The following TLL1 variants were observed in gnomAD, a reference collection of about 807,000 sequenced individuals.
The protein encoded by TLL1 is tolloid-like protein 1.
TLL1 carries 49 observed loss-of-function variants against 128.2 expected under a neutral mutation model. That is an observed-to-expected ratio of 0.38 (90% CI 0.30 to 0.48). The LOEUF (loss-of-function observed/expected upper bound fraction) is 0.48, where lower values mean the gene tolerates loss of function less well. Among genes scored for constraint, TLL1 ranks in the 20% least tolerant of loss-of-function variants. TLL1 has a pLI of 0.96. For missense variants in TLL1, 1,123 were observed against 1,242.0 expected (o/e 0.90, Z 1.44); for synonymous variants, 454 against 418.8 (o/e 1.08, Z -1.03).
chr4:166,013,324 A>G (rs934839990), intron 7 of TLL1, among the ~76,000 whole-genome samples: 2 of 151,760 alleles, frequency 1.3e-5, no homozygotes, highest in African/African-American at 2.4e-5. Flanking sequence ...TAAAGGAAGG[A>G]ATTTCTGTTT....
intron 5 of TLL1, 47 bp downstream of exon 5, chr4:165,995,225 A>C: frequency 7.6e-7 from 1 of 1,313,994 alleles, no homozygotes; most frequent in Non-Finnish European, 1.1e-6. Context: ...AAAAAATTAA[A>C]AGGAAAACAA....
At chr4:165,957,012 C>T (rs1215235383) in intron 1 of TLL1, among the ~76,000 whole-genome samples, 1 of 152,010 alleles carries the variant, frequency 6.6e-6, no homozygotes. Context: ...TCAGTATTAA[C>T]CTTAAATGTA....
intron 1 of TLL1, among the ~76,000 whole-genome samples, chr4:165,957,468 TG>T (rs1407895782): frequency 1.2e-5 from 1 of 80,290 alleles, no homozygotes; most frequent in African/African-American, 4.4e-5. Context: ...AAAGAAATTC[TG>T]GATTTTTTTT....
Position 166,003,514 on chromosome 4 carries a change from C to G in TLL1, c.756C>G (p.His252Gln). 1 of 1,614,014 alleles carries G rather than the reference C, an allele frequency of 6.2e-7. No homozygotes were observed. The highest frequency in any genetic ancestry group is 8.5e-7 in the Non-Finnish European group (1 of 1,179,966). The change falls in exon 6 of 21, where the codon CAC (histidine) becomes CAG (glutamine). Residue 252 changes from histidine (H) to glutamine (Q), a missense_variant. Physicochemically the swap from His to Gln is conservative, Grantham distance 24. Coordinates refer to ENST00000061240, the MANE Select transcript of TLL1 (RefSeq NM_012464.5). ...LGHVIGFWHE[H>Q]TRPDRDNHVT... The stretch of plus-strand genomic sequence containing the variant: ...ATGTGATAGGCTTTTGGCATGAACA[C>G]ACAAGACCAGATCGAGATAACCACG...
chr4:166,094,082 C>T (rs890688455), intron 19 of TLL1, among the ~76,000 whole-genome samples: 2 of 152,108 alleles, frequency 1.3e-5, no homozygotes, highest in Admixed American at 6.6e-5. Flanking sequence ...TTTCTTTTCC[C>T]TACAGTCATG....
At chr4:166,058,108 A>G (rs75128306) in intron 14 of TLL1, among the ~76,000 whole-genome samples, 4,735 of 152,082 alleles carry the variant, frequency 0.031, 228 homozygotes, top group African/African-American at 0.1. Context: ...ATCTCTGTCT[A>G]GATCTAGATT....
intron 1 of TLL1, among the ~76,000 whole-genome samples, chr4:165,956,329 G>A (rs1170642272): frequency 6.6e-6 from 1 of 152,010 alleles, no homozygotes; most frequent in Admixed American, 6.6e-5. Context: ...ATAAGCCTGA[G>A]GGTACTGGAG....
Position 165,990,497 on chromosome 4 carries a change from C to T in TLL1, c.280+1006C>T, listed in dbSNP as rs114728984. Among the ~76,000 whole-genome samples, 531 of 151,874 alleles carry T rather than the reference C, an allele frequency of 3.5e-3. 3 individuals are homozygous for T. Among genetic ancestry groups the T allele is most frequent in the African/African-American group, 0.012 (506 of 41,480 alleles). ...TTACTATGACCAGTTTTAAATATATCGAAATATTTCTACCTATTAGATTGT... is the reference window on the plus strand; with the variant it reads ...TTACTATGACCAGTTTTAAATATATTGAAATATTTCTACCTATTAGATTGT... On this transcript the variant is annotated intron_variant, in intron 2 of 20. Transcript: ENST00000061240.
At chr4:165,886,813 T>C (rs1328060660) in intron 1 of TLL1, among the ~76,000 whole-genome samples, 1 of 152,156 alleles carries the variant, frequency 6.6e-6, no homozygotes, top group Non-Finnish European at 1.5e-5. Flanking sequence ...GTTGAATCTG[T>C]GGATATGGAG....
rs536159556 is a variant in TLL1 at position 165,955,090 on chromosome 4, T to A, written c.170-34291T>A. 1.1e-4 allele frequency among the ~76,000 whole-genome samples: 17 copies of A among 152,208 alleles called. No homozygotes were observed. In the South Asian group the frequency reaches 3.5e-3, roughly 32 times the overall value. ...CATCTTAAGAAAAAACCAGTTGAAC[T>A]CTGGTATTGAAAATTTCATTGCAAG... On this transcript the variant is annotated intron_variant, in intron 1 of 20. Coordinates refer to ENST00000061240, the MANE Select transcript of TLL1 (RefSeq NM_012464.5).
chr4:166,091,353 C>T lies in TLL1; in HGVS notation c.2656+12C>T, dbSNP rs772274915. 1.7e-5 allele frequency: 27 copies of T among 1,609,558 alleles called. No homozygotes were observed. The highest frequency in any genetic ancestry group is 3.3e-5 in the South Asian group (3 of 90,738). Reference sequence around the variant, plus strand: ...TACACATTCTACAGGTCAGCAAATTCAAGTCATGCTTCTCTTTTTTGACTG... The same window carrying T: ...TACACATTCTACAGGTCAGCAAATTTAAGTCATGCTTCTCTTTTTTGACTG... On this transcript the variant is annotated intron_variant, in intron 19 of 20. Transcript: ENST00000061240.
rs1740602091 is a variant in TLL1 at position 166,066,971 on chromosome 4, G to A, written c.2188+1108G>A. Among the ~76,000 whole-genome samples, 3 of 151,580 alleles carry A rather than the reference G, an allele frequency of 2.0e-5. No homozygotes were observed. The South Asian group carries it at 6.2e-4, about 31-fold the overall frequency. Reference sequence around the variant, plus strand: ...GTTATAAAGTTTAAATGATCCCATGGTTAGGTAGAGACAAGGTTACTTATC... The same window carrying A: ...GTTATAAAGTTTAAATGATCCCATGATTAGGTAGAGACAAGGTTACTTATC... On this transcript the variant is annotated intron_variant, in intron 16 of 20. Coordinates refer to ENST00000061240, the MANE Select transcript of TLL1 (RefSeq NM_012464.5).
At chr4:165,887,726 G>A (rs1424206504) in intron 1 of TLL1, among the ~76,000 whole-genome samples, 1 of 152,018 alleles carries the variant, frequency 6.6e-6, no homozygotes. Context: ...GATTGCCATG[G>A]CATTGAATCT....
intron 1 of TLL1, chr4:165,919,882 G>A (rs1163500004): frequency 2.2e-5 from 10 of 454,436 alleles, no homozygotes; most frequent in African/African-American, 1.4e-4. Context: ...GGCTGCCCGA[G>A]CCCTTGAAGT....
intron 1 of TLL1, among the ~76,000 whole-genome samples, chr4:165,958,046 T>G (rs1421684511): frequency 6.6e-6 from 1 of 150,684 alleles, no homozygotes; most frequent in Non-Finnish European, 1.5e-5. Context: ...GAGCTCATCA[T>G]TTTTTATGGC....
rs1395098981 is a variant in TLL1 at position 166,083,520 on chromosome 4, C to T, written c.2442+5490C>T. 2.4e-5 allele frequency among the ~76,000 whole-genome samples: 3 copies of T among 122,834 alleles called. 1 individual carries two copies. The highest frequency in any genetic ancestry group is 7.6e-5 in the African/African-American group (3 of 39,692). The allele number at this position is 122,834 out of a possible 152,430, so 80.6% of individuals were successfully genotyped here. A position where few individuals can be genotyped will look rare whatever the true frequency, so the allele number is the denominator to read the frequency against. On this transcript the variant is annotated intron_variant, in intron 18 of 20. Coordinates refer to ENST00000061240, the MANE Select transcript of TLL1 (RefSeq NM_012464.5). The stretch of plus-strand genomic sequence containing the variant: ...CTAACTGAAATTTTGTATTTTTTGA[C>T]TGACATCTACTCAACCCTTTCCCAT...
At position 166,104,352 on chromosome 4, in the gene TLL1, G is replaced by T. The variant is rs1742420255; in HGVS notation, c.*3476G>T. 6.6e-6 allele frequency among the ~76,000 whole-genome samples: 1 copy of T among 151,862 alleles called. No homozygotes were observed. The highest frequency in any genetic ancestry group is 1.5e-5 in the Non-Finnish European group (1 of 67,880). ...AGTTATCAAATATTTGGAAACTATT[G>T]TTTACTAATAAGAATAAGACTTGCC... On this transcript the variant is annotated 3_prime_UTR_variant, in exon 21 of 21. Coordinates refer to ENST00000061240, the MANE Select transcript of TLL1 (RefSeq NM_012464.5).
chr4:165,887,837 A>C (rs1229263402), intron 1 of TLL1, among the ~76,000 whole-genome samples: 3 of 152,180 alleles, frequency 2.0e-5, no homozygotes, highest in African/African-American at 7.2e-5. Context: ...AATACTGTTT[A>C]ATATTTAATA....
intron 18 of TLL1, among the ~76,000 whole-genome samples, chr4:166,082,617 C>T (rs16999566): frequency 0.43 from 65,374 of 151,810 alleles, 14,727 homozygotes; most frequent in African/African-American, 0.57. Flanking sequence ...TGTTACAATG[C>T]GCAAAATAAA....
Sources: gnomAD v4.1 joint callset for allele counts (sites outside exome capture counted in the v4.1 genomes callset) on GRCh38, gnomAD v4.1.1 for gene constraint, MANE v1.5 for transcripts, NCBI Gene and HGNC (gene_info 2026-07-23, HGNC 2026-07-21) for gene names.